Variants in ASIC2 observed in about 807,000 individuals in gnomAD.
ASIC2 encodes acid sensing ion channel subunit 2.
In ASIC2, 25 loss-of-function variants were observed where a neutral mutation model predicts 57.3. The observed-to-expected ratio is 0.44, with a 90% CI of 0.32 to 0.61. ASIC2 has a LOEUF of 0.61. Among genes scored for constraint, ASIC2 ranks in the 20% least tolerant of loss-of-function variants. ASIC2 has a pLI of 0.06. For missense variants in ASIC2, 641 were observed against 738.1 expected (o/e 0.87, Z 1.52); for synonymous variants, 319 against 307.5 (o/e 1.04, Z -0.39).
At chr17:34,079,451 G>A (rs1909797984) in intron 1 of ASIC2, among the ~76,000 whole-genome samples, 1 of 152,106 alleles carries the variant, frequency 6.6e-6, no homozygotes, top group Non-Finnish European at 1.5e-5. Context: ...ATCCTTTCAG[G>A]GAAGGCTTCT....
At chr17:33,062,115 C>T (rs2092023229) in intron 3 of ASIC2, among the ~76,000 whole-genome samples, 1 of 152,158 alleles carries the variant, frequency 6.6e-6, no homozygotes, top group Admixed American at 6.5e-5. Flanking sequence ...AAAACCAGCT[C>T]CTGGATTCAC....
intron 1 of ASIC2, among the ~76,000 whole-genome samples, chr17:33,387,880 T>C (rs1485283021): frequency 6.6e-6 from 1 of 151,964 alleles, no homozygotes; most frequent in Non-Finnish European, 1.5e-5. Context: ...GTGAATTTGA[T>C]ACCAGCCTGG....
intron 1 of ASIC2, among the ~76,000 whole-genome samples, chr17:33,464,672 T>TCC (rs1351680369): frequency 3.0e-5 from 3 of 99,548 alleles, no homozygotes; most frequent in Non-Finnish European, 4.2e-5. Context: ...TCTCTCTCCC[T>TCC]CTCTCTCTCT....
chr17:33,673,014 T>C (rs1184103481), intron 1 of ASIC2, among the ~76,000 whole-genome samples: 1 of 152,188 alleles, frequency 6.6e-6, no homozygotes, highest in African/African-American at 2.4e-5. Flanking sequence ...CAGGAAGTAA[T>C]GACAGTGATA....
intron 1 of ASIC2, among the ~76,000 whole-genome samples, chr17:33,773,507 A>G (rs1911177717): frequency 6.6e-6 from 1 of 152,044 alleles, no homozygotes; most frequent in Non-Finnish European, 1.5e-5. Flanking sequence ...CTCTCTTTTC[A>G]TTATCCCAGT....
chr17:34,015,348 G>A (rs1374944932), intron 1 of ASIC2, among the ~76,000 whole-genome samples: 1 of 152,154 alleles, frequency 6.6e-6, no homozygotes, highest in Non-Finnish European at 1.5e-5. Context: ...GGGCTGCCCT[G>A]TCAAGGTTTT....
chr17:33,167,785 C>A (rs1476347630), intron 1 of ASIC2, among the ~76,000 whole-genome samples: 1 of 143,568 alleles, frequency 7.0e-6, no homozygotes, highest in African/African-American at 2.5e-5. Context: ...AATCCCAAGA[C>A]GTGCCTTCCT....
intron 1 of ASIC2, among the ~76,000 whole-genome samples, chr17:34,118,050 G>T (rs1284716621): frequency 2.0e-5 from 3 of 152,158 alleles, no homozygotes; most frequent in East Asian, 1.9e-4. Context: ...AGGCTGGGGG[G>T]TCTCCTGGCT....
At chr17:33,803,385 A>T (rs1271443237) in intron 1 of ASIC2, among the ~76,000 whole-genome samples, 1 of 152,080 alleles carries the variant, frequency 6.6e-6, no homozygotes, top group Non-Finnish European at 1.5e-5. Flanking sequence ...AGAGATTTGC[A>T]TACATGTGGA....
intron 1 of ASIC2, among the ~76,000 whole-genome samples, chr17:33,417,153 C>T (rs980445698): frequency 2.6e-5 from 4 of 152,088 alleles, no homozygotes; most frequent in Admixed American, 6.5e-5. Flanking sequence ...TCTAGTAGGA[C>T]GCTGGAGGAC....
intron 1 of ASIC2, among the ~76,000 whole-genome samples, chr17:33,605,000 A>T (rs1010560428): frequency 6.6e-6 from 1 of 151,084 alleles, no homozygotes; most frequent in African/African-American, 2.4e-5. Flanking sequence ...CCCTACACAC[A>T]TATATTACTT....
intron 1 of ASIC2, among the ~76,000 whole-genome samples, chr17:33,220,098 T>C (rs1907635651): frequency 1.3e-5 from 2 of 152,192 alleles, no homozygotes; most frequent in African/African-American, 4.8e-5. Context: ...ATGTCTCATA[T>C]GGCACTGTTA....
intron 1 of ASIC2, among the ~76,000 whole-genome samples, chr17:33,438,482 T>A (rs1255273880): frequency 6.6e-6 from 1 of 152,158 alleles, no homozygotes; most frequent in Non-Finnish European, 1.5e-5. Flanking sequence ...TAAGCTGGAA[T>A]CTTCACATAG....
chr17:33,579,241 A>C lies in ASIC2; in HGVS notation c.556-467174T>G, dbSNP rs546745769. Among the ~76,000 whole-genome samples the C allele has an allele frequency of 1.6e-4, 24 of 147,690 alleles. No homozygotes were observed. In the East Asian group the frequency reaches 4.4e-3, roughly 27 times the overall value. On this transcript the variant is annotated intron_variant, in intron 1 of 9. Transcript: ENST00000359872. ...GCAGAGGTTGCAGTGAGCCAAAATC[A>C]CACCATTGCACTCCAGCCTGGGTAG...
intron 1 of ASIC2, among the ~76,000 whole-genome samples, chr17:33,975,124 T>C (rs1053618011): frequency 9.2e-5 from 14 of 152,242 alleles, no homozygotes; most frequent in African/African-American, 2.9e-4. Flanking sequence ...AATGAATGAA[T>C]GTATGAAATC....
intron 1 of ASIC2, among the ~76,000 whole-genome samples, chr17:33,372,452 G>A (rs1254988546): frequency 6.6e-6 from 1 of 152,156 alleles, no homozygotes; most frequent in Non-Finnish European, 1.5e-5. Context: ...CAGCAGGTAA[G>A]AAAGGGTTTA....
intron 1 of ASIC2, among the ~76,000 whole-genome samples, chr17:33,673,145 G>A (rs768589407): frequency 2.0e-5 from 3 of 152,188 alleles, no homozygotes; most frequent in Non-Finnish European, 4.4e-5. Context: ...ACAGGCTCAG[G>A]TGCAGGTGCA....
chr17:33,169,150 G>A (rs2142046768), intron 1 of ASIC2, among the ~76,000 whole-genome samples: 1 of 152,324 alleles, frequency 6.6e-6, no homozygotes, highest in South Asian at 2.1e-4. Flanking sequence ...TATGGCTCAA[G>A]TGGGCCCAGG....
chr17:33,986,834 C>T (rs1181562041), intron 1 of ASIC2, among the ~76,000 whole-genome samples: 2 of 152,170 alleles, frequency 1.3e-5, no homozygotes. Context: ...GGATAAAGGT[C>T]TGCCATGCCT....
Sources: allele counts gnomAD v4.1 joint callset (sites outside exome capture counted in the v4.1 genomes callset), GRCh38; gene constraint gnomAD v4.1.1; transcripts MANE v1.5; gene names NCBI Gene and HGNC (gene_info 2026-07-23, HGNC 2026-07-21).